Variants in VWA3B observed in about 807,000 individuals in gnomAD.
VWA3B encodes the protein von Willebrand factor A domain containing 3B.
Under a neutral mutation model 158.3 loss-of-function variants are expected in VWA3B, and 138 were observed. That is an observed-to-expected ratio of 0.87 (90% confidence interval 0.76 to 1.00). The LOEUF (loss-of-function observed/expected upper bound fraction) is 1.00, where lower values mean the gene tolerates loss of function less well. VWA3B is among the 50% of genes least tolerant of loss of function. VWA3B has a pLI of 0.00. For synonymous variants in VWA3B, 596 were observed against 587.3 expected, an observed-to-expected ratio of 1.01 and a Z score of -0.21; for missense variants, 1,555 against 1,565.1, an observed-to-expected ratio of 0.99 and a Z score of 0.11.
chr2:98,291,159 G>A (rs1689472752), intron 23 of VWA3B: 1 of 154,062 alleles, frequency 6.5e-6, no homozygotes, highest in African/African-American at 2.4e-5. Context: ...TAAAGGAGGT[G>A]GGGCAAGCCA....
intron 7 of VWA3B, among the ~76,000 whole-genome samples, chr2:98,161,954 G>T (rs556371390): frequency 6.6e-6 from 1 of 152,108 alleles, no homozygotes; most frequent in South Asian, 2.1e-4. Flanking sequence ...TGATCTGCCC[G>T]CCTCGGCCTC....
At chr2:98,187,614 C>T (rs1296067474) in intron 9 of VWA3B, among the ~76,000 whole-genome samples, 1 of 151,760 alleles carries the variant, frequency 6.6e-6, no homozygotes, top group Non-Finnish European at 1.5e-5. Context: ...ATCTAATTCT[C>T]CACATTGCTA....
chr2:98,227,357 C>T (rs1364217923), intron 14 of VWA3B, among the ~76,000 whole-genome samples: 1 of 152,164 alleles, frequency 6.6e-6, no homozygotes, highest in African/African-American at 2.4e-5. Context: ...AGGACCTTAA[C>T]ATCACAAACC....
intron 8 of VWA3B, among the ~76,000 whole-genome samples, chr2:98,170,152 C>G (rs113027953): frequency 0.023 from 3,529 of 152,194 alleles, 140 homozygotes; most frequent in African/African-American, 0.079. Context: ...ATGAATGAAT[C>G]AATCAATCAA....
downstream of VWA3B, among the ~76,000 whole-genome samples, chr2:98,314,308 A>G (rs1050184367): frequency 6.6e-6 from 1 of 151,754 alleles, no homozygotes; most frequent in Non-Finnish European, 1.5e-5. Context: ...TCTTCAGCTA[A>G]TAAGTGCATG....
chr2:98,313,936 C>T (rs1691031642), downstream of VWA3B, among the ~76,000 whole-genome samples: 1 of 152,174 alleles, frequency 6.6e-6, no homozygotes, highest in African/African-American at 2.4e-5. Flanking sequence ...GAACTTCCAC[C>T]TCCAACCAAT....
chr2:98,165,664 A>C (rs1679007738), intron 8 of VWA3B, among the ~76,000 whole-genome samples: 1 of 151,932 alleles, frequency 6.6e-6, no homozygotes, highest in Non-Finnish European at 1.5e-5. Flanking sequence ...TGACTTGATA[A>C]ATTCCTGGTG....
chr2:98,143,669 A>G (rs1051845436), intron 7 of VWA3B, among the ~76,000 whole-genome samples: 10 of 151,944 alleles, frequency 6.6e-5, no homozygotes, highest in Admixed American at 1.3e-4. Context: ...TCAGACCTGT[A>G]TGAATTTGTC....
At chr2:98,300,049 A>G in intron 24 of VWA3B, 30 bp from the exon 25 acceptor site, 2 of 1,614,072 alleles carry the variant, frequency 1.2e-6, no homozygotes, top group Non-Finnish European at 1.7e-6. Context: ...ATCCATAAGC[A>G]AAATATTTGC....
At chr2:98,196,227 CA>C (rs1216866901) in intron 12 of VWA3B, among the ~76,000 whole-genome samples, 1 of 152,008 alleles carries the variant, frequency 6.6e-6, no homozygotes, top group Non-Finnish European at 1.5e-5. Flanking sequence ...TAGTTAATAA[CA>C]ATGTATTGTA....
chr2:98,221,833 A>G (rs776650997), intron 14 of VWA3B, among the ~76,000 whole-genome samples: 6 of 152,178 alleles, frequency 3.9e-5, no homozygotes, highest in Non-Finnish European at 7.4e-5. Flanking sequence ...CAACCTAACC[A>G]GGCAGTGTGA....
intron 25 of VWA3B, 54 bp downstream of exon 25, chr2:98,300,270 A>T: frequency 6.2e-7 from 1 of 1,604,732 alleles, no homozygotes; most frequent in Non-Finnish European, 8.5e-7. Context: ...GCCAGGCTGT[A>T]TCCTGGCACT....
At chr2:98,172,322 C>A (rs1184119833) in intron 8 of VWA3B, among the ~76,000 whole-genome samples, 2 of 152,178 alleles carry the variant, frequency 1.3e-5, no homozygotes, top group African/African-American at 4.8e-5. Context: ...ACTGCCCCAG[C>A]CAAACTCTGC....
At chr2:98,163,409 G>A (rs189821901) in intron 8 of VWA3B, among the ~76,000 whole-genome samples, 19 of 152,184 alleles carry the variant, frequency 1.2e-4, no homozygotes, top group South Asian at 4.2e-4. Flanking sequence ...GTGGTGGCCC[G>A]TGCCTGTAAT....
chr2:98,143,441 G>T (rs999826250), intron 7 of VWA3B, among the ~76,000 whole-genome samples: 1 of 152,132 alleles, frequency 6.6e-6, no homozygotes, highest in African/African-American at 2.4e-5. Context: ...GGTTCACATC[G>T]TATGTCTATT....
intron 24 of VWA3B, 36 bp downstream of exon 24, chr2:98,298,067 C>T (rs755807379): frequency 1.1e-5 from 16 of 1,427,654 alleles, no homozygotes; most frequent in Non-Finnish European, 1.4e-5. Context: ...GGCCCCTTTT[C>T]ACCATCCACA....
intron 2 of VWA3B, among the ~76,000 whole-genome samples, chr2:98,105,736 C>T (rs1316276308): frequency 6.6e-6 from 1 of 150,976 alleles, no homozygotes; most frequent in Admixed American, 6.6e-5. Context: ...TCTTAAAAAA[C>T]ACACACACAC....
At chr2:98,262,052 G>A (rs1293516202) in intron 21 of VWA3B, among the ~76,000 whole-genome samples, 1 of 151,684 alleles carries the variant, frequency 6.6e-6, no homozygotes, top group Non-Finnish European at 1.5e-5. Context: ...TTTTTTACAT[G>A]ATTCCTGGAC....
At chr2:98,327,987 T>C in the VWA3B span, among the ~76,000 whole-genome samples, 2 of 152,152 alleles carry the variant, frequency 1.3e-5, no homozygotes, top group African/African-American at 4.8e-5. Flanking sequence ...CCCACTATGC[T>C]ACTGAGCAAC....
Sources: allele counts gnomAD v4.1 joint callset (sites outside exome capture counted in the v4.1 genomes callset), GRCh38; gene constraint gnomAD v4.1.1; transcripts MANE v1.5; gene names NCBI Gene and HGNC (gene_info 2026-07-23, HGNC 2026-07-21).